The following NRG3 variants were observed in gnomAD, a reference collection of about 807,000 sequenced individuals.
The protein encoded by NRG3 is neuregulin 3, also known as pro-neuregulin-3, membrane-bound isoform.
In NRG3, 31 loss-of-function variants were observed where a neutral mutation model predicts 66.9. That is an observed-to-expected ratio of 0.46 (90% CI 0.35 to 0.63). NRG3 has a LOEUF of 0.63. Among genes scored for constraint, NRG3 ranks in the 20% least tolerant of loss-of-function variants. NRG3 has a pLI of 0.00. For synonymous variants in NRG3, 393 were observed against 359.4 expected (o/e 1.09, Z -1.06); for missense variants, 910 against 878.9 (o/e 1.04, Z -0.45).
At chr10:82,847,428 A>G (rs575998286) in intron 3 of NRG3, among the ~76,000 whole-genome samples, 1 of 152,312 alleles carries the variant, frequency 6.6e-6, no homozygotes, top group East Asian at 1.9e-4. Context: ...TTGTTTTACA[A>G]ATTACATGCA....
intron 2 of NRG3, among the ~76,000 whole-genome samples, chr10:82,365,945 C>T (rs191342178): frequency 6.6e-6 from 1 of 152,146 alleles, no homozygotes; most frequent in East Asian, 1.9e-4. Context: ...TTAAGGAGGT[C>T]ATTATGACTT....
intron 1 of NRG3, among the ~76,000 whole-genome samples, chr10:82,219,626 A>G (rs2075845432): frequency 6.6e-6 from 1 of 151,662 alleles, no homozygotes; most frequent in Non-Finnish European, 1.5e-5. Context: ...TAGTTCTAGA[A>G]CCTCACTTGT....
intron 1 of NRG3, among the ~76,000 whole-genome samples, chr10:82,289,009 A>G (rs951204): frequency 0.15 from 23,450 of 152,098 alleles, 1,919 homozygotes; most frequent in East Asian, 0.22. Context: ...TCTTTAGTAG[A>G]AGTGCTGCCA....
intron 1 of NRG3, among the ~76,000 whole-genome samples, chr10:82,155,381 A>G (rs1161459699): frequency 6.6e-6 from 1 of 151,736 alleles, no homozygotes; most frequent in Non-Finnish European, 1.5e-5. Flanking sequence ...GCAGATCACT[A>G]ATACTGCTGT....
At chr10:82,948,519 A>G (rs920049478) in intron 4 of NRG3, among the ~76,000 whole-genome samples, 1 of 152,126 alleles carries the variant, frequency 6.6e-6, no homozygotes, top group Non-Finnish European at 1.5e-5. Flanking sequence ...TCTGTCTATC[A>G]TCTTGGGGAG....
chr10:82,419,369 G>A (rs2088885680), intron 2 of NRG3, among the ~76,000 whole-genome samples: 1 of 152,096 alleles, frequency 6.6e-6, no homozygotes, highest in African/African-American at 2.4e-5. Flanking sequence ...TCTTGCTTAG[G>A]TTTGGAACAA....
At chr10:82,760,875 A>G (rs974831997) in intron 3 of NRG3, among the ~76,000 whole-genome samples, 2 of 151,938 alleles carry the variant, frequency 1.3e-5, no homozygotes, top group African/African-American at 4.8e-5. Context: ...AATTAAATGT[A>G]TATTACAAAT....
intron 1 of NRG3, among the ~76,000 whole-genome samples, chr10:82,129,769 C>A (rs1005308827): frequency 6.6e-6 from 1 of 152,016 alleles, no homozygotes. Context: ...TCATGTTGGT[C>A]AGGCTGGTCT....
chr10:82,529,438 G>A (rs1847042494), intron 2 of NRG3, among the ~76,000 whole-genome samples: 1 of 152,220 alleles, frequency 6.6e-6, no homozygotes, highest in Non-Finnish European at 1.5e-5. Context: ...TCCAGTTGTA[G>A]AATGCCTAGA....
chr10:82,107,142 A>T (rs2067116803), intron 1 of NRG3, among the ~76,000 whole-genome samples: 1 of 152,220 alleles, frequency 6.6e-6, no homozygotes, highest in Admixed American at 6.5e-5. Context: ...AGATTTTGGA[A>T]TGCTTGCATT....
intron 2 of NRG3, among the ~76,000 whole-genome samples, chr10:82,608,949 C>T (rs1266793405): frequency 6.6e-6 from 1 of 152,138 alleles, no homozygotes; most frequent in Non-Finnish European, 1.5e-5. Context: ...CCATACTGAG[C>T]CTTGAATAAT....
chr10:82,319,340 T>A (rs775643696), intron 1 of NRG3, among the ~76,000 whole-genome samples: 2 of 152,202 alleles, frequency 1.3e-5, no homozygotes, highest in Admixed American at 1.3e-4. Flanking sequence ...GCTTACATTT[T>A]GTCTTCAGAT....
intron 2 of NRG3, among the ~76,000 whole-genome samples, chr10:82,596,561 A>G (rs958565264): frequency 5.3e-5 from 8 of 152,192 alleles, no homozygotes; most frequent in African/African-American, 1.9e-4. Context: ...AGGAAAAGGC[A>G]TTCAGCAGTC....
intron 1 of NRG3, among the ~76,000 whole-genome samples, chr10:81,959,840 T>G (rs959100578): frequency 6.6e-6 from 1 of 152,218 alleles, no homozygotes; most frequent in Non-Finnish European, 1.5e-5. Flanking sequence ...AGAGGTTACA[T>G]GCATATATGG....
intron 2 of NRG3, among the ~76,000 whole-genome samples, chr10:82,400,858 G>A (rs1261126613): frequency 1.3e-5 from 2 of 152,090 alleles, no homozygotes; most frequent in African/African-American, 2.4e-5. Context: ...TAACCAGCAT[G>A]AGCCACCATG....
chr10:82,362,377 G>GTA (rs2084213191), intron 2 of NRG3, among the ~76,000 whole-genome samples: 3 of 123,158 alleles, frequency 2.4e-5, no homozygotes, highest in South Asian at 4.9e-4. Context: ...GTGTGTGTGT[G>GTA]TATTTTATTT....
intron 2 of NRG3, among the ~76,000 whole-genome samples, chr10:82,544,446 G>T (rs2043755583): frequency 1.3e-5 from 2 of 152,188 alleles, no homozygotes; most frequent in African/African-American, 4.8e-5. Flanking sequence ...CTACAACTAT[G>T]TAACATCCTC....
At chr10:82,563,646 C>T (rs1461052833) in intron 2 of NRG3, among the ~76,000 whole-genome samples, 1 of 151,874 alleles carries the variant, frequency 6.6e-6, no homozygotes, top group African/African-American at 2.4e-5. Flanking sequence ...CAAAACATCA[C>T]ATATTTATGG....
intron 1 of NRG3, among the ~76,000 whole-genome samples, chr10:82,133,208 T>C (rs1235866470): frequency 6.6e-6 from 1 of 152,176 alleles, no homozygotes. Context: ...CTAGAAACTT[T>C]TCTCTTAGCA....
Sources: allele counts gnomAD v4.1 joint callset (sites outside exome capture counted in the v4.1 genomes callset), GRCh38; gene constraint gnomAD v4.1.1; transcripts MANE v1.5; gene names NCBI Gene and HGNC (gene_info 2026-07-23, HGNC 2026-07-21).